RPS4Y1: variants seen among roughly 807,000 people sequenced by gnomAD.
The protein encoded by RPS4Y1 is small ribosomal subunit protein eS4, Y isoform 1.
For missense variants in RPS4Y1, 30 were observed against 60.9 expected (o/e 0.49, Z 1.69); for synonymous variants, 23 against 20.8 (o/e 1.10, Z -0.28).
chrY:2,847,844 G>A (rs2051153685), intron 4 of RPS4Y1, among the ~76,000 whole-genome samples: 1 of 33,370 alleles, frequency 3.0e-5, no homozygotes, highest in South Asian at 6.8e-4. Context: ...AGTGCTGACT[G>A]AAATAGAGGA....
chrY:2,847,637 C>T (rs987169957), intron 4 of RPS4Y1, among the ~76,000 whole-genome samples: 4 of 33,447 alleles, frequency 1.2e-4, no homozygotes, highest in African/African-American at 4.7e-4. Context: ...TTAGAATATA[C>T]ATCCCCAGCT....
At chrY:2,864,962 A>G in intron 5 of RPS4Y1, 126 bp from the exon 6 acceptor site, 2 of 173,401 alleles carry the variant, frequency 1.2e-5, no homozygotes, top group Non-Finnish European at 2.0e-5. Context: ...TTGAAATTAC[A>G]ATTTTGGGAT....
chrY:2,851,127 GC>G (rs2051156011), intron 4 of RPS4Y1, among the ~76,000 whole-genome samples: 1 of 32,835 alleles, frequency 3.0e-5, no homozygotes, highest in African/African-American at 1.2e-4. Flanking sequence ...ACAGGCGTGA[GC>G]CACCGCGCCC....
chrY:2,866,045 T>C (rs2051167418), intron 6 of RPS4Y1, among the ~76,000 whole-genome samples: 1 of 32,987 alleles, frequency 3.0e-5, no homozygotes, highest in Non-Finnish European at 7.5e-5. Context: ...CAGACCTGGC[T>C]AATTTCTTTT....
chrY:2,856,539 A>AT (rs765526356), intron 5 of RPS4Y1, among the ~76,000 whole-genome samples: 1 of 32,269 alleles, frequency 3.1e-5, no homozygotes, highest in Non-Finnish European at 7.7e-5. Flanking sequence ...AATTCAACAG[A>AT]TTTTTTTTTC....
chrY:2,865,083 T>C lies in RPS4Y1; in HGVS notation c.533-5T>C. On this transcript the variant is annotated splice_region_variant and splice_polypyrimidine_tract_variant and intron_variant, in intron 5 of 6. Transcript: ENST00000250784. ...CCTCTCCTGTTTATTTTCCTTTCCC[T>C]CTAGGCAATTTGTGTATGGTGATTG... The C allele has an allele frequency of 5.1e-6, 2 of 392,875 alleles. No individual in the cohort carries two copies. The highest frequency in any genetic ancestry group is 7.1e-6 in the Non-Finnish European group (2 of 280,378).
At chrY:2,851,320 G>C in intron 4 of RPS4Y1, among the ~76,000 whole-genome samples, 2 of 33,713 alleles carry the variant, frequency 5.9e-5, no homozygotes, top group Non-Finnish European at 1.5e-4. Context: ...GAGGATGGAA[G>C]AGTGAAGTTG....
At chrY:2,863,068 C>T (rs776080867) in intron 5 of RPS4Y1, among the ~76,000 whole-genome samples, 1 of 33,710 alleles carries the variant, frequency 3.0e-5, no homozygotes, top group South Asian at 6.5e-4. Flanking sequence ...GTCTGTTTTC[C>T]TGGGAGTTGT....
intron 2 of RPS4Y1, among the ~76,000 whole-genome samples, chrY:2,842,887 G>C (rs2051150125): frequency 3.0e-5 from 1 of 33,547 alleles, no homozygotes; most frequent in Non-Finnish European, 7.4e-5. Context: ...AGACAGAGAG[G>C]AGCCAGTGTG....
chrY:2,845,514 C>T, intron 3 of RPS4Y1, 132 bp from the exon 4 acceptor site: 4 of 160,168 alleles, frequency 2.5e-5, no homozygotes, highest in South Asian at 1.3e-4. Context: ...CAAGCACCTC[C>T]GCCAAGCCCT....
chrY:2,864,673 G>T, intron 5 of RPS4Y1, among the ~76,000 whole-genome samples: 1 of 33,207 alleles, frequency 3.0e-5, no homozygotes, highest in Non-Finnish European at 7.4e-5. Flanking sequence ...TCCAGTTAAA[G>T]GCCTTTCTTT....
intron 4 of RPS4Y1, chrY:2,854,344 G>T (rs757602269): frequency 8.8e-6 from 1 of 113,884 alleles, no homozygotes; most frequent in African/African-American, 9.4e-5. Context: ...GGTTAGTTCA[G>T]CTGAGCACTC....
chrY:2,860,077 T>A (rs751738348), intron 5 of RPS4Y1, among the ~76,000 whole-genome samples: 4 of 33,219 alleles, frequency 1.2e-4, no homozygotes, highest in African/African-American at 4.7e-4. Flanking sequence ...GACTCTGGGA[T>A]AACATTACGA....
chrY:2,856,426 C>T, intron 5 of RPS4Y1, among the ~76,000 whole-genome samples: 4 of 33,647 alleles, frequency 1.2e-4, no homozygotes, highest in South Asian at 6.6e-4. Flanking sequence ...CGTGAGCCAC[C>T]GTGCCCAGCC....
intron 2 of RPS4Y1, among the ~76,000 whole-genome samples, chrY:2,843,579 CACTT>C (rs2051150767): frequency 6.0e-5 from 2 of 33,513 alleles, no homozygotes; most frequent in Non-Finnish European, 1.5e-4. Flanking sequence ...AATTTGATGA[CACTT>C]AAGCCGGCAA....
chrY:2,852,733 A>G, intron 4 of RPS4Y1, among the ~76,000 whole-genome samples: 2 of 33,706 alleles, frequency 5.9e-5, no homozygotes, highest in Non-Finnish European at 1.5e-4. Flanking sequence ...AGGCCTTAAC[A>G]TGGATAAGTG....
Position 2,848,904 on chromosome Y carries a change from A to G in RPS4Y1, c.360+3161A>G, listed in dbSNP as rs375961874. 4.6e-3 allele frequency among the ~76,000 whole-genome samples: 148 copies of G among 32,067 alleles called. No homozygotes were observed. The South Asian group carries it at 0.1, about 22-fold the overall frequency. The allele number at this position is 32,067 out of a possible 37,273, so 86.0% of individuals were successfully genotyped here. A position where few individuals can be genotyped will look rare whatever the true frequency, so the allele number is the denominator to read the frequency against. ...TTGAACATAATGTGTAGTTATTTTT[A>G]TCCCTGGCCCCCTCCCAACCTCCCT... On this transcript the variant is annotated intron_variant, in intron 4 of 6. Transcript: ENST00000250784.
chrY:2,862,840 G>T, intron 5 of RPS4Y1, among the ~76,000 whole-genome samples: 1 of 33,912 alleles, frequency 2.9e-5, no homozygotes, highest in Non-Finnish European at 7.3e-5. Context: ...TGTCCAGAGA[G>T]GGTGAATTTC....
chrY:2,844,852 C>T (rs2051151594), intron 3 of RPS4Y1, among the ~76,000 whole-genome samples: 1 of 32,011 alleles, frequency 3.1e-5, no homozygotes, highest in Non-Finnish European at 7.6e-5. Context: ...CTTTTTTTGG[C>T]GGGGAGGGTG....
Sources: allele counts gnomAD v4.1 joint callset (sites outside exome capture counted in the v4.1 genomes callset), GRCh38; gene constraint gnomAD v4.1.1; transcripts MANE v1.5; gene names NCBI Gene and HGNC (gene_info 2026-07-23, HGNC 2026-07-21).